Variants in ARHGAP42 observed in about 807,000 individuals in gnomAD.
The protein encoded by ARHGAP42 is Rho GTPase activating protein 42.
ARHGAP42 carries 63 observed loss-of-function variants against 125.0 expected under a neutral mutation model. The ratio of observed to expected loss-of-function variants is 0.50; its 90% confidence interval spans 0.41 to 0.62. The LOEUF is 0.62. Among genes scored for constraint, ARHGAP42 ranks in the 20% least tolerant of loss-of-function variants. The pLI, the probability that ARHGAP42 is intolerant of heterozygous loss-of-function variation, is 0.00. For synonymous variants in ARHGAP42, 339 were observed against 351.0 expected, an observed-to-expected ratio of 0.97 and a Z score of 0.38; for missense variants, 766 against 1,024.2, an observed-to-expected ratio of 0.75 and a Z score of 3.44.
chr11:100,816,825 G>C (rs1864277643), intron 3 of ARHGAP42: 1 of 152,166 alleles, frequency 6.6e-6, no homozygotes, highest in Admixed American at 6.5e-5. Flanking sequence ...CTGGAGCTTG[G>C]ATGAGGATGA....
chr11:100,845,569 A>T (rs1426215094), intron 3 of ARHGAP42, among the ~76,000 whole-genome samples: 2 of 152,150 alleles, frequency 1.3e-5, no homozygotes, highest in Non-Finnish European at 2.9e-5. Context: ...GGAGGCGGTG[A>T]TGGTAAACAA....
chr11:100,757,887 T>C (rs1862611798), intron 1 of ARHGAP42, among the ~76,000 whole-genome samples: 1 of 152,210 alleles, frequency 6.6e-6, no homozygotes, highest in Admixed American at 6.5e-5. Context: ...GATGCCAGCA[T>C]TCATCCACAT....
rs1287637658 is a variant in ARHGAP42 at position 100,990,089 on chromosome 11, C to A, written c.*1288C>A. 6.6e-6 allele frequency: 1 copy of A among 152,100 alleles called. No individual in the cohort carries two copies. Among genetic ancestry groups the A allele is most frequent in the Non-Finnish European group, 1.5e-5 (1 of 68,024 alleles). The allele number at this position is 152,100 out of a possible 1,614,324, so 9.4% of individuals were successfully genotyped here. On this transcript the variant is annotated 3_prime_UTR_variant, in exon 24 of 24. Coordinates refer to ENST00000298815, the MANE Select transcript of ARHGAP42 (RefSeq NM_152432.4). The stretch of plus-strand genomic sequence containing the variant: ...TATCAGCATCTGGTCATGCACGAAC[C>A]ATTAATTCTATATTTCTATTTCAAT...
At chr11:100,706,315 A>G (rs1297605211) in intron 1 of ARHGAP42, among the ~76,000 whole-genome samples, 6 of 152,224 alleles carry the variant, frequency 3.9e-5, no homozygotes, top group Non-Finnish European at 8.8e-5. Flanking sequence ...AGATGGACAC[A>G]TGATATATTT....
chr11:100,830,181 G>A (rs1565232242), intron 3 of ARHGAP42, among the ~76,000 whole-genome samples: 1 of 152,058 alleles, frequency 6.6e-6, no homozygotes, highest in African/African-American at 2.4e-5. Context: ...TTACACATGC[G>A]TGTGTCTCAC....
At chr11:100,832,703 G>T (rs1401053738) in intron 3 of ARHGAP42, among the ~76,000 whole-genome samples, 1 of 152,186 alleles carries the variant, frequency 6.6e-6, no homozygotes, top group Admixed American at 6.5e-5. Flanking sequence ...TATATTATTA[G>T]TTAAGTTCCC....
intron 1 of ARHGAP42, among the ~76,000 whole-genome samples, chr11:100,689,334 A>C (rs1295951457): frequency 6.6e-6 from 1 of 152,204 alleles, no homozygotes; most frequent in Non-Finnish European, 1.5e-5. Flanking sequence ...CTTTGCATCT[A>C]AGAGAGCATG....
At chr11:100,710,562 CAG>C (rs949755030) in intron 1 of ARHGAP42, among the ~76,000 whole-genome samples, 2 of 79,810 alleles carry the variant, frequency 2.5e-5, no homozygotes, top group South Asian at 3.9e-4. Flanking sequence ...TTTTTTGAGA[CAG>C]AGTCTCGCTC....
chr11:100,844,015 A>G (rs1309960414), intron 3 of ARHGAP42, among the ~76,000 whole-genome samples: 1 of 152,196 alleles, frequency 6.6e-6, no homozygotes, highest in Non-Finnish European at 1.5e-5. Flanking sequence ...AAAATAACAA[A>G]TCTGGAGGCA....
chr11:100,940,955 C>T (rs546335354), intron 8 of ARHGAP42, among the ~76,000 whole-genome samples: 1 of 152,124 alleles, frequency 6.6e-6, no homozygotes, highest in African/African-American at 2.4e-5. Flanking sequence ...ATATTTCAGA[C>T]AGTGATAACC....
chr11:100,901,693 G>T (rs1417442319), intron 4 of ARHGAP42, among the ~76,000 whole-genome samples: 1 of 152,204 alleles, frequency 6.6e-6, no homozygotes, highest in African/African-American at 2.4e-5. Flanking sequence ...AGTGAGCAAG[G>T]CTCCGTGGGC....
At chr11:100,824,756 G>A (rs778269118) in intron 3 of ARHGAP42, among the ~76,000 whole-genome samples, 5 of 152,128 alleles carry the variant, frequency 3.3e-5, no homozygotes, top group Non-Finnish European at 5.9e-5. Context: ...TCCATGATTT[G>A]TGTATAAACT....
chr11:100,897,979 G>T (rs1490544625), intron 4 of ARHGAP42, among the ~76,000 whole-genome samples: 1 of 152,150 alleles, frequency 6.6e-6, no homozygotes, highest in Admixed American at 6.5e-5. Context: ...CTGTGGGTTT[G>T]TCATAAATAG....
At chr11:100,855,364 C>T (rs1865299691) in intron 3 of ARHGAP42, among the ~76,000 whole-genome samples, 1 of 151,912 alleles carries the variant, frequency 6.6e-6, no homozygotes, top group Non-Finnish European at 1.5e-5. Flanking sequence ...GGATTTTAAT[C>T]AAAACCTGGA....
chr11:100,986,169 C>G (rs1858674006), intron 22 of ARHGAP42: 6 of 450,920 alleles, frequency 1.3e-5, no homozygotes. Context: ...GCAATAATAA[C>G]AAAATACCAG....
rs527902395 is a variant in ARHGAP42, at chr11:100,910,632, G to A, written c.385-2820G>A. 4.8e-4 allele frequency among the ~76,000 whole-genome samples: 54 copies of A among 112,268 alleles called. 1 individual carries two copies. Among genetic ancestry groups the A allele is most frequent in the Admixed American group, 8.1e-4 (9 of 11,180 alleles). 73.7% of individuals were successfully genotyped at this position (112,268 alleles called of 152,430 possible). On this transcript the variant is annotated intron_variant, in intron 4 of 23. Coordinates refer to ENST00000298815, the MANE Select transcript of ARHGAP42 (RefSeq NM_152432.4). The stretch of plus-strand genomic sequence containing the variant: ...AAGAGACAAGAGGTAGCTATATGGG[G>A]TTACATTACTAAGTCCAAATAAGAC...
chr11:100,803,971 A>C (rs566599751), intron 3 of ARHGAP42, among the ~76,000 whole-genome samples: 1 of 152,118 alleles, frequency 6.6e-6, no homozygotes, highest in East Asian at 1.9e-4. Flanking sequence ...GTAAGTTACA[A>C]ATTTTGCTTT....
In ARHGAP42 at chr11:100,992,303, G is replaced by A; in HGVS notation, c.*3502G>A. ...TATGATACATTTGTAACTCACAGCTGTTAGCATGACCTCACATCACTGCGT... is the reference window on the plus strand; with the variant it reads ...TATGATACATTTGTAACTCACAGCTATTAGCATGACCTCACATCACTGCGT... On this transcript the variant is annotated 3_prime_UTR_variant, in exon 24 of 24. Transcript: ENST00000298815. 6.3e-7 allele frequency: 1 copy of A among 1,579,024 alleles called. No homozygotes were observed.
chr11:100,917,194 T>G (rs958856334), intron 5 of ARHGAP42, among the ~76,000 whole-genome samples: 2 of 152,166 alleles, frequency 1.3e-5, no homozygotes, highest in African/African-American at 4.8e-5. Context: ...GGAAAATAGA[T>G]TCCCTTTAGA....
Sources: allele counts gnomAD v4.1 joint callset (sites outside exome capture counted in the v4.1 genomes callset), GRCh38; gene constraint gnomAD v4.1.1; transcripts MANE v1.5; gene names NCBI Gene and HGNC (gene_info 2026-07-23, HGNC 2026-07-21).